TOPAZ1: variants seen among roughly 807,000 people sequenced by gnomAD.
TOPAZ1 encodes the protein testis and ovary specific TOPAZ 1.
Under a neutral mutation model 172.2 loss-of-function variants are expected in TOPAZ1, and 66 were observed. That is an observed-to-expected ratio of 0.38 (90% CI 0.31 to 0.47). The LOEUF (loss-of-function observed/expected upper bound fraction) is 0.47. Ranked by LOEUF, TOPAZ1 falls within the 20% of genes least tolerant of loss-of-function variation. The pLI, the probability that TOPAZ1 is intolerant of heterozygous loss-of-function variation, is 0.99. For synonymous variants in TOPAZ1, 681 were observed against 683.9 expected (o/e 1.00, Z 0.07); for missense variants, 1,822 against 1,972.4 (o/e 0.92, Z 1.44).
Position 44,244,963 on chromosome 3 carries a change from T to C in TOPAZ1, c.2457T>C (p.Pro819=). ...SCDPGYVEKS[P]SFCCNEQETF... is the part of the protein sequence containing the mutation. Reference sequence around the variant, plus strand: ...ATCCTGGGTATGTAGAGAAAAGTCCTTCCTTCTGCTGTAATGAACAAGAAA... The same window carrying C: ...ATCCTGGGTATGTAGAGAAAAGTCCCTCCTTCTGCTGTAATGAACAAGAAA... The change falls in exon 2 of 20, where the codon CCT becomes CCC. Residue 819 remains proline (P), a synonymous_variant. Coordinates refer to ENST00000309765, the MANE Select transcript of TOPAZ1 (RefSeq NM_001145030.2). 2 of 1,551,750 alleles carry C rather than the reference T, an allele frequency of 1.3e-6. No individual in the cohort carries two copies. The highest frequency in any genetic ancestry group is 1.7e-6 in the Non-Finnish European group (2 of 1,147,006).
At chr3:44,299,957 T>TGGGGGGG (rs59025711) in intron 12 of TOPAZ1, among the ~76,000 whole-genome samples, 21 of 94,250 alleles carry the variant, frequency 2.2e-4, no homozygotes, top group East Asian at 5.7e-4. Flanking sequence ...TGTTGTGGGG[T>TGGGGGGG]GGGGGGAGGG....
chr3:44,298,306 A>T (rs1011201454), intron 12 of TOPAZ1, among the ~76,000 whole-genome samples: 1 of 152,106 alleles, frequency 6.6e-6, no homozygotes, highest in African/African-American at 2.4e-5. Flanking sequence ...TCTACAAAAA[A>T]TTAGCTGGGC....
chr3:44,331,470 C>T (rs1035273400), intron 19 of TOPAZ1, among the ~76,000 whole-genome samples: 1 of 152,078 alleles, frequency 6.6e-6, no homozygotes, highest in Non-Finnish European at 1.5e-5. Context: ...GGACTACAGG[C>T]GCACATCACC....
chr3:44,331,053 CAT>C (rs1305541758), intron 19 of TOPAZ1, among the ~76,000 whole-genome samples: 1 of 152,142 alleles, frequency 6.6e-6, no homozygotes, highest in Non-Finnish European at 1.5e-5. Context: ...TAAAACTTAA[CAT>C]GTGAATGTTA....
intron 16 of TOPAZ1, among the ~76,000 whole-genome samples, chr3:44,313,454 A>G (rs954195461): frequency 6.6e-6 from 1 of 151,406 alleles, no homozygotes; most frequent in African/African-American, 2.4e-5. Context: ...TACTAAAAAT[A>G]TAAAAAAAAA....
At position 44,276,624 on chromosome 3, in the gene TOPAZ1, C is replaced by CTTTTTTTTTTTTTTTTTTTTT. The variant is rs762865769; in HGVS notation, c.3373-5335_3373-5315dup. Among the ~76,000 whole-genome samples the CTTTTTTTTTTTTTTTTTTTTT allele has an allele frequency of 4.1e-4, 10 of 24,114 alleles. 1 individual carries two copies. Among genetic ancestry groups the CTTTTTTTTTTTTTTTTTTTTT allele is most frequent in the African/African-American group, 5.6e-4 (3 of 5,324 alleles). The allele number at this position is 24,114 out of a possible 152,430, so 15.8% of individuals were successfully genotyped here. A position where few individuals can be genotyped will look rare whatever the true frequency, so the allele number is the denominator to read the frequency against. On this transcript the variant is annotated intron_variant, in intron 8 of 19. Coordinates refer to ENST00000309765, the MANE Select transcript of TOPAZ1 (RefSeq NM_001145030.2). ...GTAGTTTAATGCCTCCAGCTTTGTT[C>CTTTTTTTTTTTTTTTTTTTTT]TTTTTTTTTTTTTTTTTTTTTTTTT...
intron 9 of TOPAZ1, among the ~76,000 whole-genome samples, chr3:44,284,364 T>A (rs373724053): frequency 3.9e-5 from 6 of 152,362 alleles, no homozygotes; most frequent in South Asian, 2.1e-4. Context: ...AGTAAAATTA[T>A]ACAATATTTG....
rs751154440 is a variant in TOPAZ1 at position 44,243,173 on chromosome 3, G to A, written c.667G>A (p.Val223Ile). The A allele has an allele frequency of 1.4e-5, 21 of 1,549,492 alleles. No individual in the cohort carries two copies. Among genetic ancestry groups the A allele is most frequent in the Middle Eastern group, 1.7e-4 (1 of 5,976 alleles). ...GTCACCTGAAGTAGAAAATAATTCC[G>A]TTTTAAAATTACGTGATTGCAATTG... ...ILSPEVENNSVLKLRDCNCFP... is the reference protein window; with the variant it reads ...ILSPEVENNSILKLRDCNCFP... Residue 223 changes from valine to isoleucine, a missense_variant, in exon 2 of 20, where the codon GTT (valine) becomes ATT (isoleucine). Val to Ile is a conservative substitution (Grantham distance 29). Transcript: ENST00000309765.
rs1419965699 is a variant in TOPAZ1, at chr3:44,243,521, A to G, written c.1015A>G (p.Lys339Glu). The G allele has an allele frequency of 3.2e-6, 5 of 1,551,678 alleles. No individual in the cohort carries two copies. Among genetic ancestry groups the G allele is most frequent in the Non-Finnish European group, 3.5e-6 (4 of 1,146,962 alleles). The change falls in exon 2 of 20, where the codon AAA (lysine) becomes GAA (glutamate). Residue 339 changes from lysine (K) to glutamate (E), a missense_variant. By Grantham distance (56) the Lys-to-Glu change is moderately conservative. Transcript: ENST00000309765. The part of the protein sequence containing the change: ...KPRKRMKLSE[K>E]ADETVTEMNF... ...CAGGAAAAGGATGAAGTTGTCTGAA[A>G]AAGCAGATGAAACAGTTACTGAGAT...
intron 19 of TOPAZ1, among the ~76,000 whole-genome samples, chr3:44,331,098 C>A (rs1170448225): frequency 1.3e-5 from 2 of 152,134 alleles, no homozygotes; most frequent in Non-Finnish European, 2.9e-5. Context: ...GTATTTTATG[C>A]ATTCTCATGA....
At chr3:44,269,114 A>C (rs1446747178) in intron 6 of TOPAZ1, 102 bp from the exon 7 acceptor site, 1 of 725,638 alleles carries the variant, frequency 1.4e-6, no homozygotes, top group African/African-American at 1.8e-5. Flanking sequence ...AATATTTCAA[A>C]GTGAAACTTT....
At chr3:44,288,641 T>C (rs2125693444) in intron 11 of TOPAZ1, among the ~76,000 whole-genome samples, 1 of 152,228 alleles carries the variant, frequency 6.6e-6, no homozygotes, top group East Asian at 1.9e-4. Flanking sequence ...GCCAAGATTG[T>C]GCCATAACCT....
chr3:44,322,424 G>A (rs938955035), intron 17 of TOPAZ1, among the ~76,000 whole-genome samples: 2 of 152,202 alleles, frequency 1.3e-5, no homozygotes, highest in Middle Eastern at 6.3e-3. Flanking sequence ...AGACACTACA[G>A]ATACACAGTT....
At chr3:44,259,699 C>A (rs963688379) in intron 4 of TOPAZ1, among the ~76,000 whole-genome samples, 4 of 152,204 alleles carry the variant, frequency 2.6e-5, no homozygotes, top group Admixed American at 2.6e-4. Context: ...ATACTTTCAA[C>A]AATATTGTGT....
chr3:44,326,186 A>G (rs1700598839), intron 18 of TOPAZ1, among the ~76,000 whole-genome samples: 1 of 152,194 alleles, frequency 6.6e-6, no homozygotes, highest in African/African-American at 2.4e-5. Context: ...GCTGACTCAT[A>G]CAGTAAATCT....
At chr3:44,330,071 TG>T (rs1700647496) in intron 19 of TOPAZ1, among the ~76,000 whole-genome samples, 5 of 152,216 alleles carry the variant, frequency 3.3e-5, no homozygotes, top group Admixed American at 1.3e-4. Flanking sequence ...TCTCCTTTTT[TG>T]TAGATGAGTC....
rs572426915 is a variant in TOPAZ1 at position 44,308,090 on chromosome 3, A to G, written c.4140+1664A>G. On this transcript the variant is annotated intron_variant, in intron 15 of 19. Transcript: ENST00000309765. ...GGAGTTCAAGACCAGCCTAGCCAAC[A>G]TGGTGAAACCCCATCTCTACTAAAA... is the stretch of plus-strand genomic sequence containing the variant. 2.6e-4 allele frequency among the ~76,000 whole-genome samples: 40 copies of G among 152,296 alleles called. No individual in the cohort carries two copies. The South Asian group carries it at 8.3e-3, about 32-fold the overall frequency.
At chr3:44,322,623 G>C (rs997859748) in intron 17 of TOPAZ1, among the ~76,000 whole-genome samples, 5 of 152,196 alleles carry the variant, frequency 3.3e-5, no homozygotes, top group Non-Finnish European at 5.9e-5. Context: ...AGCACTTTGG[G>C]AGGCTGAGGC....
intron 17 of TOPAZ1, among the ~76,000 whole-genome samples, chr3:44,322,512 C>T (rs1372493425): frequency 2.0e-5 from 3 of 152,132 alleles, no homozygotes; most frequent in Non-Finnish European, 2.9e-5. Flanking sequence ...TTCTCTATTG[C>T]AAAGGAAGTT....
Sources: gnomAD v4.1 joint callset for allele counts (sites outside exome capture counted in the v4.1 genomes callset) on GRCh38, gnomAD v4.1.1 for gene constraint, MANE v1.5 for transcripts, NCBI Gene and HGNC (gene_info 2026-07-23, HGNC 2026-07-21) for gene names.